CFAP47: variants seen among roughly 807,000 people sequenced by gnomAD.
The protein encoded by CFAP47 is cilia- and flagella-associated protein 47.
In CFAP47, 29 loss-of-function variants were observed where a neutral mutation model predicts 148.1. The ratio of observed to expected loss-of-function variants is 0.20; its 90% confidence interval spans 0.15 to 0.27. The LOEUF (loss-of-function observed/expected upper bound fraction) is 0.27. Ranked by LOEUF, CFAP47 falls within the 10% of genes least tolerant of loss-of-function variation. The pLI, the probability that CFAP47 is intolerant of heterozygous loss-of-function variation, is 1.00. For synonymous variants in CFAP47, 664 were observed against 577.3 expected, an observed-to-expected ratio of 1.15 and a Z score of -2.15; for missense variants, 1,872 against 1,697.5, an observed-to-expected ratio of 1.10 and a Z score of -1.81.
At chrX:36,128,157 T>A (rs758730579) in intron 33 of CFAP47, among the ~76,000 whole-genome samples, 3 of 111,256 alleles carry the variant, frequency 2.7e-5, no homozygotes, top group African/African-American at 9.8e-5. Context: ...AGAGAGGGCA[T>A]AATAATTTTA....
chrX:35,935,785 G>C (rs1285787011), intron 2 of CFAP47, among the ~76,000 whole-genome samples: 1 of 110,687 alleles, frequency 9.0e-6, no homozygotes, highest in Non-Finnish European at 1.9e-5. Context: ...CGAGTTTTCA[G>C]TTGACAGTTT....
chrX:36,295,059 C>CA (rs1396867981), intron 51 of CFAP47, among the ~76,000 whole-genome samples: 1 of 111,698 alleles, frequency 9.0e-6, no homozygotes, highest in African/African-American at 3.3e-5. Flanking sequence ...TTTAAACAGC[C>CA]ATTATGTTTG....
chrX:36,146,631 T>C (rs191323475), intron 36 of CFAP47, among the ~76,000 whole-genome samples: 9 of 111,726 alleles, frequency 8.1e-5, no homozygotes, highest in South Asian at 3.7e-4. Flanking sequence ...GCTGAGAATC[T>C]TTTATGTATT....
intron 16 of CFAP47, chrX:35,990,211 C>T (rs1381935643): frequency 2.7e-5 from 3 of 111,115 alleles, no homozygotes; most frequent in African/African-American, 9.8e-5. Context: ...TTTATTATTC[C>T]AATTACCTGG....
chrX:36,026,012 T>C (rs1214875355), intron 22 of CFAP47, among the ~76,000 whole-genome samples: 1 of 111,997 alleles, frequency 8.9e-6, no homozygotes, highest in Non-Finnish European at 1.9e-5. Context: ...TTGATAAATA[T>C]GTAATACTTT....
At chrX:36,275,682 G>C (rs1359778469) in intron 49 of CFAP47, among the ~76,000 whole-genome samples, 1 of 110,708 alleles carries the variant, frequency 9.0e-6, no homozygotes, top group Non-Finnish European at 1.9e-5. Flanking sequence ...GTCTGGTTTG[G>C]TATCAGGGCA....
At chrX:36,068,695 C>T (rs1272867200) in intron 27 of CFAP47, among the ~76,000 whole-genome samples, 6 of 107,794 alleles carry the variant, frequency 5.6e-5, no homozygotes, top group Non-Finnish European at 1.1e-4. Flanking sequence ...CAGGGGCTCA[C>T]GCCTGTAATC....
chrX:36,279,696 C>T (rs1941056607), intron 49 of CFAP47, among the ~76,000 whole-genome samples: 1 of 110,939 alleles, frequency 9.0e-6, no homozygotes, highest in African/African-American at 3.3e-5. Context: ...ATAGTAATAA[C>T]TTTTGTTTTT....
At chrX:35,950,260 T>C (rs1014796090) in intron 4 of CFAP47, among the ~76,000 whole-genome samples, 11 of 112,104 alleles carry the variant, frequency 9.8e-5, no homozygotes, top group African/African-American at 3.6e-4. Context: ...ATTGCATTTA[T>C]GCCAGAGTGG....
chrX:36,045,883 T>A (rs1937458964), intron 25 of CFAP47, among the ~76,000 whole-genome samples: 1 of 111,863 alleles, frequency 8.9e-6, no homozygotes, highest in Non-Finnish European at 1.9e-5. Context: ...GAAATGAATA[T>A]GAGAGGTACT....
Position 35,919,931 on chromosome X carries a change from G to A in CFAP47, c.132G>A (p.Pro44=). 1 of 1,211,332 alleles carries A rather than the reference G, an allele frequency of 8.3e-7. No homozygotes were observed. Among genetic ancestry groups the A allele is most frequent in the Non-Finnish European group, 1.1e-6 (1 of 895,357 alleles). The change falls in exon 1 of 64, where the codon CCG becomes CCA. Residue 44 remains proline, a synonymous_variant. Coordinates refer to ENST00000378653, the MANE Select transcript of CFAP47 (RefSeq NM_001304548.2). ...GAGACATGCAGCTGCGGGTGATCCC[G>A]GCTGAGGTGAAGTTCCTGGACACGA... ...SGRDMQLRVI[P]AEVKFLDTMA... is the part of the protein sequence containing the mutation.
intron 2 of CFAP47, among the ~76,000 whole-genome samples, chrX:35,932,292 C>G (rs181683897): frequency 2.5e-4 from 24 of 96,449 alleles, no homozygotes; most frequent in Non-Finnish European, 4.9e-4. Flanking sequence ...TGGAGTCTCT[C>G]TCTGTTGCCC....
chrX:36,013,205 ACT>A (rs1419676846), intron 21 of CFAP47, among the ~76,000 whole-genome samples: 1 of 110,624 alleles, frequency 9.0e-6, no homozygotes, highest in Non-Finnish European at 1.9e-5. Flanking sequence ...TTTGATGCAG[ACT>A]CTGTGTTTTC....
At chrX:35,924,441 A>ACACCTCTATGTGTATATAGGTG (rs1935693170) in intron 1 of CFAP47, among the ~76,000 whole-genome samples, 1 of 106,000 alleles carries the variant, frequency 9.4e-6, no homozygotes, top group East Asian at 3.1e-4. Flanking sequence ...GTATATATGT[A>ACACCTCTATGTGTATATAGGTG]CACCTATATG....
chrX:36,204,201 G>A (rs1940013601), intron 44 of CFAP47, among the ~76,000 whole-genome samples: 1 of 110,947 alleles, frequency 9.0e-6, no homozygotes, highest in African/African-American at 3.3e-5. Flanking sequence ...TCTGTAGGTT[G>A]CCTGTTCACT....
At chrX:36,378,643 G>A (rs782092271) in intron 62 of CFAP47, among the ~76,000 whole-genome samples, 3 of 111,670 alleles carry the variant, frequency 2.7e-5, no homozygotes, top group South Asian at 3.8e-4. Context: ...GGGTTCAAGC[G>A]ATTCTCCTGT....
At chrX:36,190,231 A>G in intron 42 of CFAP47, 35 bp downstream of exon 42, 1 of 296,135 alleles carries the variant, frequency 3.4e-6, no homozygotes, top group South Asian at 2.0e-4. Flanking sequence ...TGTTTACACG[A>G]GCTGTCACTT....
chrX:35,998,821 G>T (rs1011571801), intron 19 of CFAP47, among the ~76,000 whole-genome samples: 3 of 111,311 alleles, frequency 2.7e-5, no homozygotes, highest in Non-Finnish European at 5.7e-5. Flanking sequence ...ATCCTTCCTT[G>T]AAAAATATTA....
intron 51 of CFAP47, among the ~76,000 whole-genome samples, chrX:36,291,653 C>A (rs1217542860): frequency 9.2e-6 from 1 of 109,152 alleles, no homozygotes; most frequent in Non-Finnish European, 1.9e-5. Flanking sequence ...ATGGCAAATA[C>A]CCACTCACTG....
Sources: allele counts gnomAD v4.1 joint callset (sites outside exome capture counted in the v4.1 genomes callset), GRCh38; gene constraint gnomAD v4.1.1; transcripts MANE v1.5; gene names NCBI Gene and HGNC (gene_info 2026-07-23, HGNC 2026-07-21).